The following DNAI1 variants were observed in gnomAD, a reference collection of about 807,000 sequenced individuals.
The protein encoded by DNAI1 is dynein, axonemal, intermediate polypeptide 1.
DNAI1 carries 67 observed loss-of-function variants against 92.0 expected under a neutral mutation model. The ratio of observed to expected loss-of-function variants is 0.73; its 90% confidence interval spans 0.60 to 0.89. DNAI1 has a LOEUF of 0.89. DNAI1 is among the 40% of genes least tolerant of loss of function. DNAI1 has a pLI of 0.00. For missense variants in DNAI1, 839 were observed against 866.6 expected, an observed-to-expected ratio of 0.97 and a Z score of 0.40; for synonymous variants, 323 against 319.6, an observed-to-expected ratio of 1.01 and a Z score of -0.11.
At chr9:34,469,486 T>C (rs1824100481) in intron 1 of DNAI1, among the ~76,000 whole-genome samples, 1 of 151,892 alleles carries the variant, frequency 6.6e-6, no homozygotes. Context: ...AGGCTGGTCT[T>C]GAATTCTTGG....
intron 6 of DNAI1, 80 bp from the exon 7 acceptor site, chr9:34,490,289 A>G (rs1372974330): frequency 1.2e-6 from 2 of 1,612,358 alleles, no homozygotes; most frequent in African/African-American, 1.3e-5. Flanking sequence ...GTCCTATCCT[A>G]GGACAGGGCT....
chr9:34,507,511 A>G, intron 13 of DNAI1, among the ~76,000 whole-genome samples: 1 of 152,160 alleles, frequency 6.6e-6, no homozygotes, highest in East Asian at 1.9e-4. Flanking sequence ...TCATCTTCAC[A>G]TTGAGGAGGC....
At position 34,485,455 on chromosome 9, in the gene DNAI1, A is replaced by T. The variant is rs1220328169; in HGVS notation, c.199A>T (p.Thr67Ser). The T allele has an allele frequency of 6.2e-7, 1 of 1,613,934 alleles. No homozygotes were observed. The highest frequency in any genetic ancestry group is 8.5e-7 in the Non-Finnish European group (1 of 1,180,018). Residue 67 changes from threonine (T) to serine (S), a missense_variant, in exon 4 of 20, where the codon ACT becomes TCT. Thr to Ser is a moderately conservative substitution (Grantham distance 58). Coordinates refer to ENST00000242317, the MANE Select transcript of DNAI1 (RefSeq NM_012144.4). ...CCCTCAGGAGTTAAAGGAGGAGTTC[A>T]CTCGGATTTTGACAGCCAACAACCC... The part of the protein sequence containing the change: ...LTDAELKEEF[T>S]RILTANNPHA...
intron 1 of DNAI1, among the ~76,000 whole-genome samples, chr9:34,462,679 T>TA (rs1271683643): frequency 1.3e-5 from 2 of 152,232 alleles, no homozygotes; most frequent in African/African-American, 4.8e-5. Context: ...CAAGGAAATG[T>TA]AACTGTGTAA....
chr9:34,489,581 G>T lies in DNAI1; in HGVS notation c.388+132G>T. The stretch of plus-strand genomic sequence containing the variant: ...ACATAAACTCCAGGCCGGGCAGGGT[G>T]GTTCTTGCCTATAATCCCAGCACTT... On this transcript the variant is annotated intron_variant, in intron 5 of 19. Transcript: ENST00000242317. 3 of 1,136,632 alleles carry T rather than the reference G, an allele frequency of 2.6e-6. No homozygotes were observed. The South Asian group carries it at 3.8e-5, about 14-fold the overall frequency. The allele number at this position is 1,136,632 out of a possible 1,614,324, so 70.4% of individuals were successfully genotyped here. A position where few individuals can be genotyped will look rare whatever the true frequency, so the allele number is the denominator to read the frequency against.
intron 19 of DNAI1, among the ~76,000 whole-genome samples, chr9:34,517,816 G>A (rs1825199282): frequency 6.6e-6 from 1 of 152,162 alleles, no homozygotes; most frequent in Non-Finnish European, 1.5e-5. Context: ...GGGGGCCTGG[G>A]GCTGAGCCAC....
chr9:34,476,634 C>T (rs1236966021), intron 1 of DNAI1, among the ~76,000 whole-genome samples: 1 of 152,152 alleles, frequency 6.6e-6, no homozygotes, highest in Non-Finnish European at 1.5e-5. Flanking sequence ...CATGCAGAGG[C>T]TAGCCTGACA....
At chr9:34,497,414 G>A (rs1370882096) in intron 10 of DNAI1, among the ~76,000 whole-genome samples, 1 of 152,216 alleles carries the variant, frequency 6.6e-6, no homozygotes, top group African/African-American at 2.4e-5. Flanking sequence ...ATGAGATCTG[G>A]AAGTGGTGCA....
chr9:34,485,354 T>A, intron 3 of DNAI1, 83 bp from the exon 4 acceptor site: 1 of 1,589,372 alleles, frequency 6.3e-7, no homozygotes, highest in South Asian at 1.1e-5. Flanking sequence ...AGATGTCTGC[T>A]GATACTCTGA....
intron 5 of DNAI1, among the ~76,000 whole-genome samples, 195 bp from the exon 6 acceptor site, chr9:34,489,817 A>G (rs1250327660): frequency 1.3e-5 from 2 of 152,048 alleles, no homozygotes; most frequent in East Asian, 1.9e-4. Context: ...CCACCACTGC[A>G]TTCCAGCCTG....
intron 1 of DNAI1, among the ~76,000 whole-genome samples, chr9:34,481,222 G>A (rs992877137): frequency 3.3e-5 from 5 of 152,240 alleles, no homozygotes; most frequent in African/African-American, 4.8e-5. Context: ...CAGCCTGGGC[G>A]AAAGAGTGAA....
chr9:34,463,631 C>G (rs777937788), intron 1 of DNAI1, among the ~76,000 whole-genome samples: 1 of 152,012 alleles, frequency 6.6e-6, no homozygotes, highest in East Asian at 1.9e-4. Context: ...TAGTTTATGA[C>G]TAACAAATTT....
chr9:34,480,802 T>C (rs1304413761), intron 1 of DNAI1, among the ~76,000 whole-genome samples: 3 of 151,578 alleles, frequency 2.0e-5, no homozygotes, highest in Non-Finnish European at 4.4e-5. Context: ...AAAAATAGGC[T>C]GGGTGCAGTG....
Position 34,517,327 on chromosome 9 carries a change from T to C in DNAI1, c.1861T>C (p.Cys621Arg). The C allele has an allele frequency of 1.2e-6, 2 of 1,614,144 alleles. No individual in the cohort carries two copies. The highest frequency in any genetic ancestry group is 2.2e-5 in the South Asian group (2 of 91,062). ...AGCCATCAACAAGTATGAGGCCATC[T>C]GCAACCAGCCTGTGGCGGCCAAAAA... ...DLAINKYEAI[C>R]NQPVAAKKNR... The change falls in exon 19 of 20, where the codon TGC becomes CGC. Residue 621 changes from cysteine to arginine, a missense_variant. Coordinates refer to ENST00000242317, the MANE Select transcript of DNAI1 (RefSeq NM_012144.4).
chr9:34,507,596 A>G (rs967151932), intron 13 of DNAI1, among the ~76,000 whole-genome samples: 2 of 152,214 alleles, frequency 1.3e-5, no homozygotes, highest in African/African-American at 4.8e-5. Context: ...ACCTGTGTAT[A>G]GTTGGACCCA....
chr9:34,485,069 A>C, intron 2 of DNAI1, 73 bp from the exon 3 acceptor site: 2 of 1,485,818 alleles, frequency 1.3e-6, no homozygotes, highest in Non-Finnish European at 1.9e-6. Context: ...AGTGTTTGTG[A>C]ATGAAGGGGC....
intron 1 of DNAI1, among the ~76,000 whole-genome samples, chr9:34,466,833 T>G (rs1327944004): frequency 2.0e-5 from 3 of 152,206 alleles, no homozygotes; most frequent in African/African-American, 7.2e-5. Context: ...TGGTCTCCGC[T>G]CCCTCATAAT....
intron 1 of DNAI1, among the ~76,000 whole-genome samples, chr9:34,481,350 C>T (rs1824350222): frequency 1.3e-5 from 2 of 152,162 alleles, no homozygotes; most frequent in Admixed American, 1.3e-4. Flanking sequence ...AAATAAATTC[C>T]CAGTGCTAAG....
Position 34,483,469 on chromosome 9 carries a change from A to G in DNAI1, c.70A>G (p.Thr24Ala), listed in dbSNP as rs914692585. ...TTAGAGCATCAGCATAGGCAGAGGA[A>G]CCAGGAAGAGAGTAAGTGCTGAGAC... ...HKQSISIGRG[T>A]RKRDEDSGTE... The change falls in exon 2 of 20, where the codon ACC (threonine) becomes GCC (alanine). Residue 24 changes from threonine (T) to alanine (A), a missense_variant. Thr to Ala is a moderately conservative substitution (Grantham distance 58, BLOSUM62 0). Transcript: ENST00000242317. The G allele has an allele frequency of 6.2e-7, 1 of 1,612,464 alleles. No homozygotes were observed. Among genetic ancestry groups the G allele is most frequent in the African/African-American group, 1.3e-5 (1 of 75,040 alleles).
Sources: gnomAD v4.1 joint callset for allele counts (sites outside exome capture counted in the v4.1 genomes callset) on GRCh38, gnomAD v4.1.1 for gene constraint, MANE v1.5 for transcripts, NCBI Gene and HGNC (gene_info 2026-07-23, HGNC 2026-07-21) for gene names.